Variants in RBBP7 observed in about 807,000 individuals in gnomAD.
The protein encoded by RBBP7 is histone-binding protein RBBP7.
In RBBP7, 5 loss-of-function variants were observed where a neutral mutation model predicts 35.2. That is an observed-to-expected ratio of 0.14 (90% CI 0.07 to 0.30). RBBP7 has a LOEUF of 0.30. RBBP7 is among the 10% of genes least tolerant of loss of function. The probability of loss-of-function intolerance (pLI) is 1.00; values close to 1 mark genes in which losing one functional copy is unlikely to be tolerated. For synonymous variants in RBBP7, 140 were observed against 118.7 expected (o/e 1.18, Z -1.17); for missense variants, 155 against 327.5 (o/e 0.47, Z 4.07).
Position 16,868,347 on chromosome X carries a change from C to T in RBBP7, c.161+729G>A, listed in dbSNP as rs1208614023. On this transcript the variant is annotated intron_variant, in intron 2 of 11. Coordinates refer to ENST00000380087, the MANE Select transcript of RBBP7 (RefSeq NM_002893.4). The stretch of plus-strand genomic sequence containing the variant: ...CTAATGCAGGGACCAGCTGTGTGAT[C>T]TTGGGATGGCACTTAAACTCTCACT... Among the ~76,000 whole-genome samples the T allele has an allele frequency of 7.1e-5, 8 of 112,344 alleles. No homozygotes were observed. The East Asian group carries it at 2.2e-3, about 31-fold the overall frequency.
chrX:16,848,555 T>C (rs1930139212), intron 10 of RBBP7: 1 of 112,110 alleles, frequency 8.9e-6, no homozygotes, highest in African/African-American at 3.2e-5. Flanking sequence ...AGTACAAGTG[T>C]GCCAAAAATG....
chrX:16,858,695 T>G lies in RBBP7; in HGVS notation c.462A>C (p.Thr154=), dbSNP rs776492998. The change falls in exon 4 of 12, where the codon ACA becomes ACC. Residue 154 remains threonine (T), a synonymous_variant. Transcript: ENST00000380087. ...PSSDVLVFDY[T]KHPAKPDPSG... Reference sequence around the variant, plus strand: ...ACATACCTGGTTTAGCAGGGTGTTTTGTATAGTCAAAAACCAACACATCAG... The same window carrying G: ...ACATACCTGGTTTAGCAGGGTGTTTGGTATAGTCAAAAACCAACACATCAG... 8.3e-7 allele frequency: 1 copy of G among 1,211,651 alleles called. No homozygotes were observed. Among genetic ancestry groups the G allele is most frequent in the East Asian group, 3.0e-5 (1 of 33,857 alleles).
chrX:16,867,199 TGTAG>T (rs1432138707), intron 2 of RBBP7, among the ~76,000 whole-genome samples: 2 of 111,333 alleles, frequency 1.8e-5, no homozygotes, highest in Non-Finnish European at 3.8e-5. Context: ...TTCCCTCAAA[TGTAG>T]GTAGTCAGTA....
intron 1 of RBBP7, chrX:16,869,530 C>T (rs1297080723): frequency 1.1e-5 from 13 of 1,164,848 alleles, no homozygotes; most frequent in Middle Eastern, 2.3e-4. Context: ...ACAGGGGCTG[C>T]GCGACCCAGT....
At chrX:16,850,870 G>A (rs1459249476) in intron 9 of RBBP7, among the ~76,000 whole-genome samples, 2 of 112,172 alleles carry the variant, frequency 1.8e-5, no homozygotes, top group African/African-American at 6.5e-5. Context: ...AGGCCAAGGC[G>A]GGAGAATCAC....
chrX:16,857,973 A>C (rs114274916), intron 4 of RBBP7, among the ~76,000 whole-genome samples: 1,934 of 111,045 alleles, frequency 0.017, 38 homozygotes, highest in African/African-American at 0.061. Flanking sequence ...GCAACCCCCC[A>C]ATTTTTTAGA....
chrX:16,867,495 G>A (rs924370352), intron 2 of RBBP7, among the ~76,000 whole-genome samples: 4 of 111,193 alleles, frequency 3.6e-5, no homozygotes, highest in East Asian at 2.8e-4. Flanking sequence ...GGCTGTAAAC[G>A]TCAATGCTTC....
chrX:16,845,983 T>C (rs374593146), intron 10 of RBBP7, 45 bp from the exon 11 acceptor site: 190 of 1,180,325 alleles, frequency 1.6e-4, no homozygotes, highest in Non-Finnish European at 2.0e-4. Flanking sequence ...TACTCTCCTG[T>C]TAATCCTAAC....
intron 3 of RBBP7, among the ~76,000 whole-genome samples, chrX:16,861,411 T>G (rs1041326589): frequency 1.8e-5 from 2 of 111,781 alleles, no homozygotes; most frequent in Admixed American, 9.5e-5. Context: ...AGTGCAGTGG[T>G]GTGATCCTAG....
chrX:16,851,412 T>C (rs1157240247), intron 9 of RBBP7, among the ~76,000 whole-genome samples: 1 of 112,249 alleles, frequency 8.9e-6, no homozygotes, highest in African/African-American at 3.2e-5. Flanking sequence ...AGTATGTAAC[T>C]GAGCAACTTT....
intron 10 of RBBP7, 107 bp from the exon 11 acceptor site, chrX:16,846,045 G>C (rs1370216172): frequency 9.2e-6 from 10 of 1,091,241 alleles, no homozygotes; most frequent in Non-Finnish European, 3.6e-6. Flanking sequence ...GGGGGTGGGT[G>C]CTGTCTGGTT....
rs765708760 is a variant in RBBP7 at position 16,869,147 on chromosome X, T to C, written c.90A>G (p.Leu30=). 29 of 1,210,318 alleles carry C rather than the reference T, an allele frequency of 2.4e-5. No homozygotes were observed. The highest frequency in any genetic ancestry group is 2.3e-4 in the Middle Eastern group (1 of 4,350). Residue 30 remains leucine, a synonymous_variant, in exon 2 of 12, where the codon CTA becomes CTG. Transcript: ENST00000380087. ...GAGCATGGGTCATAACCAGGTCATATAGAAACGGTGTATTCTTCTTCCAGA... is the reference window on the plus strand; with the variant it reads ...GAGCATGGGTCATAACCAGGTCATACAGAAACGGTGTATTCTTCTTCCAGA... The part of the protein sequence containing the change: ...YKIWKKNTPF[L]YDLVMTHALQ...
In RBBP7 at chrX:16,849,314, A is replaced by G. The variant is rs1443784248; in HGVS notation, c.1041-13T>C. On this transcript the variant is annotated splice_polypyrimidine_tract_variant and intron_variant, in intron 9 of 11. Transcript: ENST00000380087. ...TTCCCCAATTTTACTGTAAGAATAA[A>G]GAATATAACGCTTTCATCAGTGAAA... 1 of 1,200,180 alleles carries G rather than the reference A, an allele frequency of 8.3e-7. No homozygotes were observed. The highest frequency in any genetic ancestry group is 2.2e-5 in the Admixed American group (1 of 45,810).
Position 16,869,437 on chromosome X carries a change from T to C in RBBP7, c.17-217A>G, listed in dbSNP as rs906266246. 2.1e-5 allele frequency: 24 copies of C among 1,145,997 alleles called. No individual in the cohort carries two copies. In the African/African-American group the frequency reaches 3.1e-4, roughly 15 times the overall value. 94.4% of individuals were successfully genotyped at this position (1,145,997 alleles called of 1,213,427 possible). On this transcript the variant is annotated intron_variant, in intron 1 of 11. Transcript: ENST00000380087. ...ATCAATACCCCCTGCGTACACCATG[T>C]TGGGTAGTCAATTACACGGACATGG...
chrX:16,870,276 T>C lies in RBBP7; in HGVS notation c.-223A>G, dbSNP rs1372750640. The C allele has an allele frequency of 5.5e-6, 2 of 361,099 alleles. No individual in the cohort carries two copies. The highest frequency in any genetic ancestry group is 8.0e-5 in the Admixed American group (1 of 12,438). 29.8% of individuals were successfully genotyped at this position (361,099 alleles called of 1,213,427 possible). On this transcript the variant is annotated 5_prime_UTR_variant, in exon 1 of 12. Transcript: ENST00000380087. ...GAGGTCTGAGGCGCTCTTCTCTCTCTCTCCAAACTTGGAACGAGACTTTTC... is the reference window on the plus strand; with the variant it reads ...GAGGTCTGAGGCGCTCTTCTCTCTCCCTCCAAACTTGGAACGAGACTTTTC...
intron 5 of RBBP7, 132 bp from the exon 6 acceptor site, chrX:16,853,974 C>T: frequency 3.9e-6 from 2 of 506,467 alleles, no homozygotes; most frequent in Non-Finnish European, 5.6e-6. Context: ...CCTCCGCCTC[C>T]AGGGCTCAAG....
chrX:16,859,804 G>A (rs4828537), intron 3 of RBBP7, among the ~76,000 whole-genome samples: 51,356 of 109,651 alleles, frequency 0.47, 9,072 homozygotes, highest in East Asian at 0.85. Flanking sequence ...AAATAGACCG[G>A]GGCCTGGAGC....
Position 16,845,985 on chromosome X carries a change from A to T in RBBP7, c.1099-47T>A, listed in dbSNP as rs1236762496. 6 of 1,176,905 alleles carry T rather than the reference A, an allele frequency of 5.1e-6. No individual in the cohort carries two copies. In the South Asian group the frequency reaches 1.2e-4, roughly 23 times the overall value. On this transcript the variant is annotated intron_variant, in intron 10 of 11. Transcript: ENST00000380087. The stretch of plus-strand genomic sequence containing the variant: ...CTTTGATTTCATATACTCTCCTGTT[A>T]ATCCTAACAAAGGTTTTACTAAGTT...
chrX:16,870,172 C>T lies in RBBP7; in HGVS notation c.-119G>A, dbSNP rs1029220091. 6.8e-6 allele frequency: 6 copies of T among 876,631 alleles called. No homozygotes were observed. Among genetic ancestry groups the T allele is most frequent in the Non-Finnish European group, 8.5e-6 (6 of 704,395 alleles). 72.2% of individuals were successfully genotyped at this position (876,631 alleles called of 1,213,427 possible). On this transcript the variant is annotated 5_prime_UTR_variant, in exon 1 of 12. Transcript: ENST00000380087. Reference sequence around the variant, plus strand: ...GCGTCACACTCCCCACTGTCGAAAGCCCGGGCCCCGTCTTGCTGCCTGGGT... The same window carrying T: ...GCGTCACACTCCCCACTGTCGAAAGTCCGGGCCCCGTCTTGCTGCCTGGGT...
Sources: gnomAD v4.1 joint callset for allele counts (sites outside exome capture counted in the v4.1 genomes callset) on GRCh38, gnomAD v4.1.1 for gene constraint, MANE v1.5 for transcripts, NCBI Gene and HGNC (gene_info 2026-07-23, HGNC 2026-07-21) for gene names.